The following KCNK9 variants were observed in gnomAD, a reference collection of about 807,000 sequenced individuals.
KCNK9 encodes the protein potassium channel subfamily K member 9.
A neutral mutation model predicts 10.8 loss-of-function variants in KCNK9; 1 was observed. The observed-to-expected ratio is 0.09, with a 90% confidence interval of 0.03 to 0.44. The LOEUF is 0.44. Among genes scored for constraint, KCNK9 ranks in the 20% least tolerant of loss-of-function variants. KCNK9 has a pLI of 0.97. For synonymous variants in KCNK9, 231 were observed against 222.7 expected, an observed-to-expected ratio of 1.04 and a Z score of -0.33; for missense variants, 303 against 515.0, an observed-to-expected ratio of 0.59 and a Z score of 3.98.
chr8:139,679,640 A>G (rs1353552758), intron 1 of KCNK9, among the ~76,000 whole-genome samples: 1 of 152,228 alleles, frequency 6.6e-6, no homozygotes, highest in Admixed American at 6.5e-5. Context: ...AAGACTGCTC[A>G]GAAAGGCTAC....
At chr8:139,652,015 G>A (rs1815880266) in intron 1 of KCNK9, among the ~76,000 whole-genome samples, 1 of 152,066 alleles carries the variant, frequency 6.6e-6, no homozygotes, top group Non-Finnish European at 1.5e-5. Context: ...TTGGCTGTCT[G>A]ACATTCTTTG....
chr8:139,602,287 T>G (rs1817390144), intron 2 of KCNK9, among the ~76,000 whole-genome samples: 1 of 152,178 alleles, frequency 6.6e-6, no homozygotes, highest in East Asian at 1.9e-4. Context: ...CAGGATGGGT[T>G]GGTGATGAAT....
downstream of KCNK9, chr8:139,611,205 C>A (rs1814413067): frequency 6.6e-6 from 1 of 152,260 alleles, no homozygotes; most frequent in Admixed American, 6.5e-5. Context: ...GTGCTTGGCA[C>A]AGAGCAGGTG....
intron 1 of KCNK9, among the ~76,000 whole-genome samples, chr8:139,670,080 A>G (rs1040438575): frequency 6.6e-6 from 1 of 152,240 alleles, no homozygotes; most frequent in African/African-American, 2.4e-5. Context: ...CATGATGTAA[A>G]CAGGCTGCCA....
At chr8:139,684,045 C>T (rs1432559066) in intron 1 of KCNK9, among the ~76,000 whole-genome samples, 1 of 152,200 alleles carries the variant, frequency 6.6e-6, no homozygotes, top group Admixed American at 6.5e-5. Context: ...CTAAGGAAGA[C>T]AAAGCCAAAA....
chr8:139,625,725 GAAAA>G (rs113414842), intron 1 of KCNK9, among the ~76,000 whole-genome samples: 2 of 137,030 alleles, frequency 1.5e-5, no homozygotes, highest in Non-Finnish European at 3.2e-5. Context: ...AACAAAACAG[GAAAA>G]AAAAAAAAAA....
At chr8:139,683,468 C>T (rs1816731818) in intron 1 of KCNK9, among the ~76,000 whole-genome samples, 1 of 152,262 alleles carries the variant, frequency 6.6e-6, no homozygotes, top group African/African-American at 2.4e-5. Context: ...AATGAAGCAG[C>T]TGGTGGCCTC....
chr8:139,648,031 TCTC>T (rs1815744150), intron 1 of KCNK9, among the ~76,000 whole-genome samples: 2 of 152,160 alleles, frequency 1.3e-5, no homozygotes, highest in South Asian at 4.2e-4. Context: ...AAAAAACCCA[TCTC>T]CTTCAAATAA....
At position 139,702,037 on chromosome 8, in the gene KCNK9, A is replaced by T. The variant is rs1408096339; in HGVS notation, c.283+673T>A. Among the ~76,000 whole-genome samples the T allele has an allele frequency of 3.3e-5, 5 of 151,978 alleles. No homozygotes were observed. The highest frequency in any genetic ancestry group is 7.4e-5 in the Non-Finnish European group (5 of 67,968). On this transcript the variant is annotated intron_variant, in intron 1 of 1. Coordinates refer to ENST00000520439, the MANE Select transcript of KCNK9 (RefSeq NM_001282534.2). This position sits in a 1 kb window ranked among gnomAD's most constrained non-coding sequence, Gnocchi z 7.5. ...TGCCCTGCCCCCACTCTCCACCTCT[A>T]CTGAGAGCAATTGAGGGGCTGCCAC...
rs1044037097 is a variant in KCNK9, at chr8:139,698,074, G to A, written c.283+4636C>T. 3.3e-5 allele frequency among the ~76,000 whole-genome samples: 5 copies of A among 152,202 alleles called. 1 individual carries two copies. Among genetic ancestry groups the A allele is most frequent in the Admixed American group, 2.6e-4 (4 of 15,284 alleles). ...GAGCTAAAGGGAGAAGGAAAAACGC[G>A]ATGGACTACTCCAGGAGCCCAGCCC... On this transcript the variant is annotated intron_variant, in intron 1 of 1. Transcript: ENST00000520439.
intron 1 of KCNK9, among the ~76,000 whole-genome samples, chr8:139,660,456 A>ATATG (rs1563740037): frequency 9.5e-6 from 1 of 105,792 alleles, no homozygotes; most frequent in Non-Finnish European, 1.7e-5. Context: ...AAAAATATAT[A>ATATG]TATATATATA....
intron 1 of KCNK9, among the ~76,000 whole-genome samples, chr8:139,696,499 C>T (rs1055725570): frequency 1.3e-5 from 2 of 152,218 alleles, no homozygotes; most frequent in African/African-American, 2.4e-5. Context: ...CACTGAGGCT[C>T]TAATGAGGGT....
At chr8:139,615,345 T>G (rs1456028469), downstream of KCNK9, among the ~76,000 whole-genome samples, 2 of 152,198 alleles carry the variant, frequency 1.3e-5, no homozygotes, top group African/African-American at 4.8e-5. Flanking sequence ...AGGATCTGAT[T>G]CTAATGCTGA....
At chr8:139,613,140 T>C (rs1814483500), downstream of KCNK9, among the ~76,000 whole-genome samples, 1 of 152,142 alleles carries the variant, frequency 6.6e-6, no homozygotes, top group African/African-American at 2.4e-5. Context: ...TGGCGGACAA[T>C]TTCTTCTTTG....
downstream of KCNK9, among the ~76,000 whole-genome samples, chr8:139,613,329 C>G (rs539358766): frequency 8.3e-4 from 126 of 152,156 alleles, 1 homozygote; most frequent in African/African-American, 2.9e-3. Flanking sequence ...TGTGGGGGAC[C>G]GTGGTCATAG....
intron 1 of KCNK9, among the ~76,000 whole-genome samples, chr8:139,632,230 C>G (rs1815195953): frequency 6.6e-6 from 1 of 152,130 alleles, no homozygotes; most frequent in Admixed American, 6.5e-5. Context: ...CACCACAGAC[C>G]CCACATCATG....
At chr8:139,627,966 G>A (rs1815030161) in intron 1 of KCNK9, among the ~76,000 whole-genome samples, 1 of 152,238 alleles carries the variant, frequency 6.6e-6, no homozygotes, top group African/African-American at 2.4e-5. Context: ...GAGTTTTAAA[G>A]AGAAGCCGAA....
At chr8:139,607,779 C>T (rs546733096), downstream of KCNK9, among the ~76,000 whole-genome samples, 4 of 152,338 alleles carry the variant, frequency 2.6e-5, no homozygotes, top group South Asian at 8.3e-4. Context: ...GGCCCTGTCT[C>T]TCCAAATTCC....
At chr8:139,612,684 GA>G (rs755019073), downstream of KCNK9, 1 of 152,190 alleles carries the variant, frequency 6.6e-6, no homozygotes, top group East Asian at 1.9e-4. Context: ...CCTAACAGAG[GA>G]AAACAACATT....
Sources: allele counts gnomAD v4.1 joint callset (sites outside exome capture counted in the v4.1 genomes callset), GRCh38; gene constraint gnomAD v4.1.1; non-coding constraint Gnocchi (gnomAD v3.1); transcripts MANE v1.5; gene names NCBI Gene and HGNC (gene_info 2026-07-23, HGNC 2026-07-21).